The following PCDHGB1 variants were observed in gnomAD, a reference collection of about 807,000 sequenced individuals.
PCDHGB1 encodes protocadherin gamma subfamily B, 1.
A neutral mutation model predicts 56.6 loss-of-function variants in PCDHGB1; 34 were observed. The ratio of observed to expected loss-of-function variants is 0.60; its 90% CI spans 0.46 to 0.80. The LOEUF is 0.80. PCDHGB1 is among the 30% of genes least tolerant of loss of function. PCDHGB1 has a pLI of 0.00. For synonymous variants in PCDHGB1, 561 were observed against 505.9 expected (o/e 1.11, Z -1.46); for missense variants, 1,278 against 1,204.6 (o/e 1.06, Z -0.90).
intron 1 of PCDHGB1, chr5:141,398,766 T>C (rs775055352): frequency 6.2e-6 from 10 of 1,613,844 alleles, no homozygotes; most frequent in Non-Finnish European, 7.6e-6. Flanking sequence ...TAGTCCTGAC[T>C]GCCTTGGACG....
At chr5:141,430,936 C>T (rs2097327732) in intron 1 of PCDHGB1, 4 of 1,606,984 alleles carry the variant, frequency 2.5e-6, no homozygotes, top group Admixed American at 3.4e-5. Flanking sequence ...CCCGGGAGCT[C>T]GCGGAGCGCG....
chr5:141,361,602 C>G (rs571629532), intron 1 of PCDHGB1: 1 of 1,613,936 alleles, frequency 6.2e-7, no homozygotes, highest in Non-Finnish European at 8.5e-7. Flanking sequence ...AAGTTTCCTA[C>G]TCCATCGTAG....
intron 1 of PCDHGB1, among the ~76,000 whole-genome samples, chr5:141,464,132 G>A (rs1432411937): frequency 6.6e-6 from 1 of 152,076 alleles, no homozygotes; most frequent in Non-Finnish European, 1.5e-5. Flanking sequence ...GGGTGTGGTG[G>A]TGGGCGCCTG....
chr5:141,361,591 C>T (rs776269447), intron 1 of PCDHGB1: 3 of 1,614,050 alleles, frequency 1.9e-6, no homozygotes, highest in South Asian at 1.1e-5. Context: ...CCCCAGTGGC[C>T]AAGTTTCCTA....
At chr5:141,360,150 A>T in intron 1 of PCDHGB1, 1 of 1,602,638 alleles carries the variant, frequency 6.2e-7, no homozygotes, top group Admixed American at 1.7e-5. Flanking sequence ...AAGCGAGCTC[A>T]GGGAGGTGCG....
chr5:141,366,750 AG>A, intron 1 of PCDHGB1: 1 of 1,607,760 alleles, frequency 6.2e-7, no homozygotes, highest in East Asian at 2.2e-5. Flanking sequence ...CGGCGAGTTC[AG>A]GTTAGTTTTC....
At position 141,493,332 on chromosome 5, in the gene PCDHGB1, C is replaced by T. The variant is rs2099747680; in HGVS notation, c.2410-1475C>T. 6.6e-6 allele frequency among the ~76,000 whole-genome samples: 1 copy of T among 152,210 alleles called. No homozygotes were observed. The highest frequency in any genetic ancestry group is 1.5e-5 in the Non-Finnish European group (1 of 68,036). Reference sequence around the variant, plus strand: ...AAGAGAGATTCTAACCCCTGTCTAACTCCAGAATGTGTGCTTTTAATTTCT... The same window carrying T: ...AAGAGAGATTCTAACCCCTGTCTAATTCCAGAATGTGTGCTTTTAATTTCT... On this transcript the variant is annotated intron_variant, in intron 1 of 3. Transcript: ENST00000523390. This position sits in a 1 kb window ranked among gnomAD's most constrained non-coding sequence, Gnocchi z 4.3.
intron 1 of PCDHGB1, among the ~76,000 whole-genome samples, chr5:141,450,696 A>G (rs943551061): frequency 1.3e-5 from 2 of 152,164 alleles, no homozygotes; most frequent in East Asian, 3.9e-4. Flanking sequence ...CATGTTGCCC[A>G]GGATGGTCTC....
At chr5:141,405,868 C>T (rs528188485) in intron 1 of PCDHGB1, among the ~76,000 whole-genome samples, 1 of 152,280 alleles carries the variant, frequency 6.6e-6, no homozygotes, top group Non-Finnish European at 1.5e-5. Context: ...TCACTTTTCA[C>T]TGGGCCTAAT....
In PCDHGB1 at chr5:141,491,731, C is replaced by T. The variant is rs1198438920; in HGVS notation, c.2410-3076C>T. ...GGGCTCGGCGCCGCCCCGGGCGACC[C>T]CTGGGGGCGGCACTGGAGAAGCCGC... On this transcript the variant is annotated intron_variant, in intron 1 of 3. Coordinates refer to ENST00000523390, the MANE Select transcript of PCDHGB1 (RefSeq NM_018922.3). The surrounding 1 kb of genome is among the most constrained non-coding windows in gnomAD (Gnocchi z 6.9). 1 of 1,603,678 alleles carries T rather than the reference C, an allele frequency of 6.2e-7. No homozygotes were observed. Among genetic ancestry groups the T allele is most frequent in the Non-Finnish European group, 8.5e-7 (1 of 1,175,748 alleles).
intron 1 of PCDHGB1, among the ~76,000 whole-genome samples, chr5:141,448,917 C>T (rs913804081): frequency 2.6e-5 from 4 of 152,130 alleles, no homozygotes; most frequent in African/African-American, 9.7e-5. Context: ...TGCACTCCAG[C>T]CTGGGCGACA....
intron 1 of PCDHGB1, among the ~76,000 whole-genome samples, chr5:141,469,103 C>G (rs949254605): frequency 6.6e-6 from 1 of 151,844 alleles, no homozygotes; most frequent in Non-Finnish European, 1.5e-5. Flanking sequence ...AAAGCAAGAA[C>G]CTGTCTCTAA....
chr5:141,350,961 A>G lies in PCDHGB1; in HGVS notation c.701A>G (p.Asp234Gly). The G allele has an allele frequency of 6.2e-7, 1 of 1,614,080 alleles. No individual in the cohort carries two copies. Among genetic ancestry groups the G allele is most frequent in the Non-Finnish European group, 8.5e-7 (1 of 1,179,910 alleles). ...TGGATCCGAGTTACGGATGCCAATG[A>G]TAATGCTCCCGTGTTTAGCCAGGAG... Reference protein sequence around the residue: ...HIWIRVTDANDNAPVFSQEVY... With the variant: ...HIWIRVTDANGNAPVFSQEVY... The change falls in exon 1 of 4, where the codon GAT becomes GGT. Residue 234 changes from aspartate to glycine, a missense_variant. Transcript: ENST00000523390.
At chr5:141,370,896 C>G in intron 1 of PCDHGB1, 1 of 1,614,040 alleles carries the variant, frequency 6.2e-7, no homozygotes, top group Non-Finnish European at 8.5e-7. Context: ...CAATTCGCTG[C>G]AGCAGTACTA....
chr5:141,507,553 C>T (rs1382652977), intron 3 of PCDHGB1, among the ~76,000 whole-genome samples: 4 of 152,192 alleles, frequency 2.6e-5, no homozygotes, highest in Admixed American at 2.0e-4. Flanking sequence ...ATGAAAGTGG[C>T]AGGCGGCTGG....
At chr5:141,440,954 G>A (rs908507291) in intron 1 of PCDHGB1, 9 of 152,184 alleles carry the variant, frequency 5.9e-5, no homozygotes, top group Non-Finnish European at 1.0e-4. Flanking sequence ...GAGTGTCAAG[G>A]CAGAGATCAC....
chr5:141,502,785 A>G (rs576095718), intron 2 of PCDHGB1, among the ~76,000 whole-genome samples: 2 of 150,900 alleles, frequency 1.3e-5, no homozygotes, highest in East Asian at 3.9e-4. Context: ...AATTACCTGG[A>G]TGATTTCTTC....
chr5:141,372,309 C>T lies in PCDHGB1; in HGVS notation c.2409+19640C>T, dbSNP rs950315336. On this transcript the variant is annotated intron_variant, in intron 1 of 3. Transcript: ENST00000523390. ...TACCTTGGGCGACAGGGAGGCCGCC[C>T]GCCAGCGCCTGCTGGTCACTGTGCG... 2 of 1,613,400 alleles carry T rather than the reference C, an allele frequency of 1.2e-6. No homozygotes were observed. The highest frequency in any genetic ancestry group is 2.2e-5 in the East Asian group (1 of 44,894).
intron 1 of PCDHGB1, among the ~76,000 whole-genome samples, chr5:141,434,479 A>C (rs2097696849): frequency 6.6e-6 from 1 of 152,202 alleles, no homozygotes; most frequent in African/African-American, 2.4e-5. Flanking sequence ...AGGGCAAGGA[A>C]CACCTGGCCC....
Sources: allele counts gnomAD v4.1 joint callset (sites outside exome capture counted in the v4.1 genomes callset), GRCh38; gene constraint gnomAD v4.1.1; non-coding constraint Gnocchi (gnomAD v3.1); transcripts MANE v1.5; gene names NCBI Gene and HGNC (gene_info 2026-07-23, HGNC 2026-07-21).